DOCK4: variants seen among roughly 807,000 people sequenced by gnomAD.
DOCK4 encodes dedicator of cytokinesis protein 4.
DOCK4 carries 97 observed loss-of-function variants against 268.1 expected under a neutral mutation model. That is an observed-to-expected ratio of 0.36 (90% CI 0.31 to 0.43). The LOEUF (loss-of-function observed/expected upper bound fraction) is 0.43. Ranked by LOEUF, DOCK4 falls within the 20% of genes least tolerant of loss-of-function variation. The pLI, the probability that DOCK4 is intolerant of heterozygous loss-of-function variation, is 1.00. For synonymous variants in DOCK4, 954 were observed against 887.2 expected (o/e 1.08, Z -1.34); for missense variants, 2,145 against 2,455.7 (o/e 0.87, Z 2.67).
At chr7:111,812,577 AT>A (rs1369030769) in intron 27 of DOCK4, among the ~76,000 whole-genome samples, 1 of 152,230 alleles carries the variant, frequency 6.6e-6, no homozygotes, top group Non-Finnish European at 1.5e-5. Context: ...TCCATATTTG[AT>A]TATCATAAAA....
intron 1 of DOCK4, among the ~76,000 whole-genome samples, chr7:112,118,950 T>G (rs1812441437): frequency 6.6e-6 from 1 of 152,212 alleles, no homozygotes; most frequent in Non-Finnish European, 1.5e-5. Context: ...TTCAGTGGCC[T>G]ACATATAGCT....
chr7:112,128,451 C>T (rs1813462671), intron 1 of DOCK4, among the ~76,000 whole-genome samples: 1 of 152,008 alleles, frequency 6.6e-6, no homozygotes, highest in Non-Finnish European at 1.5e-5. Context: ...GCCAGGATGA[C>T]AATGGCGGCT....
intron 1 of DOCK4, among the ~76,000 whole-genome samples, chr7:112,170,615 A>G (rs1818007830): frequency 6.6e-6 from 1 of 152,242 alleles, no homozygotes; most frequent in African/African-American, 2.4e-5. Context: ...GTCAAGCTAT[A>G]TTCAGAATAC....
chr7:111,872,607 C>T (rs779437372), intron 17 of DOCK4, 43 bp from the exon 18 acceptor site: 3 of 1,469,518 alleles, frequency 2.0e-6, no homozygotes, highest in South Asian at 2.6e-5. Flanking sequence ...TAATAGAGAA[C>T]AGGTCCTCAC....
At chr7:112,115,927 C>T (rs1812111374) in intron 1 of DOCK4, among the ~76,000 whole-genome samples, 1 of 152,188 alleles carries the variant, frequency 6.6e-6, no homozygotes, top group South Asian at 2.1e-4. Context: ...GATCTTCCCA[C>T]CTTGGCCTCC....
intron 22 of DOCK4, among the ~76,000 whole-genome samples, chr7:111,864,490 A>G (rs1266622826): frequency 6.6e-6 from 1 of 152,172 alleles, no homozygotes; most frequent in Non-Finnish European, 1.5e-5. Context: ...TACCAATGAG[A>G]TCTGACTCCA....
In DOCK4 at chr7:111,784,091, T is replaced by C; in HGVS notation, c.3428+6A>G. ...CAAGTAGCACAATTTGCAAACAATG[T>C]CTTACCTAGGATAGGGACCAAATAG... is the stretch of plus-strand genomic sequence containing the variant. On this transcript the variant is annotated splice_donor_region_variant and intron_variant, in intron 33 of 52. Coordinates refer to ENST00000428084, the MANE Select transcript of DOCK4 (RefSeq NM_001363540.2). The C allele has an allele frequency of 6.3e-7, 1 of 1,580,796 alleles. No individual in the cohort carries two copies. Among genetic ancestry groups the C allele is most frequent in the Non-Finnish European group, 8.6e-7 (1 of 1,167,880 alleles).
At chr7:111,972,156 T>C (rs569409553) in intron 8 of DOCK4, among the ~76,000 whole-genome samples, 2 of 152,230 alleles carry the variant, frequency 1.3e-5, no homozygotes, top group Non-Finnish European at 2.9e-5. Flanking sequence ...CAATTTATTA[T>C]TAAGACTTTC....
At chr7:111,754,772 G>A (rs575928936) in intron 42 of DOCK4, among the ~76,000 whole-genome samples, 1 of 152,182 alleles carries the variant, frequency 6.6e-6, no homozygotes, top group African/African-American at 2.4e-5. Context: ...GCCTGGAGCT[G>A]GGGTCACATT....
At chr7:112,111,156 C>A (rs1811615787) in intron 1 of DOCK4, among the ~76,000 whole-genome samples, 1 of 152,184 alleles carries the variant, frequency 6.6e-6, no homozygotes, top group Admixed American at 6.5e-5. Context: ...GGTCCTGGCA[C>A]AAGCTCAATA....
intron 30 of DOCK4, among the ~76,000 whole-genome samples, chr7:111,798,921 T>C (rs1800083434): frequency 6.6e-6 from 1 of 152,188 alleles, no homozygotes; most frequent in Non-Finnish European, 1.5e-5. Context: ...AGAAAATCAA[T>C]AGGTTATTAT....
At chr7:112,077,654 G>T (rs1350357542) in intron 1 of DOCK4, among the ~76,000 whole-genome samples, 2 of 151,974 alleles carry the variant, frequency 1.3e-5, no homozygotes. Flanking sequence ...GAGCACCTAT[G>T]ATTTATTAAT....
chr7:111,927,325 T>C (rs1793799952), intron 12 of DOCK4, among the ~76,000 whole-genome samples: 1 of 152,214 alleles, frequency 6.6e-6, no homozygotes, highest in South Asian at 2.1e-4. Flanking sequence ...AGCTCATGGC[T>C]AAGAGTTATA....
rs777953972 is a variant in DOCK4 at position 111,728,590 on chromosome 7, G to A, written c.5612C>T (p.Thr1871Ile). 4 of 1,613,908 alleles carry A rather than the reference G, an allele frequency of 2.5e-6. No individual in the cohort carries two copies. The African/African-American group carries it at 5.3e-5, about 22-fold the overall frequency. ...SSLSRCSTSETSGFENQVNEQ... is the reference protein window; with the variant it reads ...SSLSRCSTSEISGFENQVNEQ... ...ATTCACCTGATTTTCAAAGCCTGAG[G>A]TTTCCGACGTGCTGCACCGGCTGAG... is the stretch of plus-strand genomic sequence containing the variant. The change falls in exon 53 of 53, where the codon ACC becomes ATC. Residue 1871 changes from threonine to isoleucine, a missense_variant. Thr to Ile is a moderately conservative substitution (Grantham distance 89). Transcript: ENST00000428084.
Position 111,728,137 on chromosome 7 carries a change from T to C in DOCK4, c.*137A>G. The C allele has an allele frequency of 1.6e-6, 1 of 621,814 alleles. No homozygotes were observed. Among genetic ancestry groups the C allele is most frequent in the Non-Finnish European group, 2.4e-6 (1 of 422,106 alleles). 38.5% of individuals were successfully genotyped at this position (621,814 alleles called of 1,614,324 possible). A position where few individuals can be genotyped will look rare whatever the true frequency, so the allele number is the denominator to read the frequency against. ...ACTTTTAATATTGTGCAACATGATA[T>C]TTAATAAGCAAGTTTTAATTCCATT... On this transcript the variant is annotated 3_prime_UTR_variant, in exon 53 of 53. Transcript: ENST00000428084.
Position 111,739,489 on chromosome 7 carries a change from C to T in DOCK4, c.5041-12G>A. The T allele has an allele frequency of 3.2e-6, 5 of 1,558,080 alleles. No individual in the cohort carries two copies. In the South Asian group the frequency reaches 4.7e-5, roughly 15 times the overall value. On this transcript the variant is annotated splice_polypyrimidine_tract_variant and intron_variant, in intron 47 of 52. Coordinates refer to ENST00000428084, the MANE Select transcript of DOCK4 (RefSeq NM_001363540.2). The stretch of plus-strand genomic sequence containing the variant: ...GTAGATGGACTTGGCTGGAAACACA[C>T]AGGGAGCTATTATCATACCCTGATT...
rs764534239 is a variant in DOCK4 at position 111,741,992 on chromosome 7, T to C, written c.4797+21A>G. 9 of 1,545,868 alleles carry C rather than the reference T, an allele frequency of 5.8e-6. No individual in the cohort carries two copies. The South Asian group carries it at 6.2e-5, about 11-fold the overall frequency. ...CGGCAGTGATCAGGCTGCCCCGCCA[T>C]GGACACCTAAGTATACATACCTGTA... On this transcript the variant is annotated intron_variant, in intron 45 of 52. Coordinates refer to ENST00000428084, the MANE Select transcript of DOCK4 (RefSeq NM_001363540.2).
chr7:111,961,458 T>C (rs1213635421), intron 8 of DOCK4, among the ~76,000 whole-genome samples: 1 of 152,176 alleles, frequency 6.6e-6, no homozygotes, highest in Non-Finnish European at 1.5e-5. Context: ...AGTGAATGGG[T>C]AGAGGTGATG....
intron 1 of DOCK4, among the ~76,000 whole-genome samples, chr7:112,021,494 A>G (rs561457072): frequency 6.6e-6 from 1 of 152,348 alleles, no homozygotes; most frequent in East Asian, 1.9e-4. Context: ...AGTGGAATAA[A>G]AATTCCTGAG....
Sources: allele counts gnomAD v4.1 joint callset (sites outside exome capture counted in the v4.1 genomes callset), GRCh38; gene constraint gnomAD v4.1.1; transcripts MANE v1.5; gene names NCBI Gene and HGNC (gene_info 2026-07-23, HGNC 2026-07-21).